Variants in TIAM1 observed in about 807,000 individuals in gnomAD.
TIAM1 encodes the protein rho guanine nucleotide exchange factor TIAM1.
Under a neutral mutation model 163.5 loss-of-function variants are expected in TIAM1, and 65 were observed. The observed-to-expected ratio is 0.40, with a 90% CI of 0.33 to 0.49. The LOEUF (loss-of-function observed/expected upper bound fraction) is 0.49, where lower values mean the gene tolerates loss of function less well. TIAM1 is among the 20% of genes least tolerant of loss of function. The pLI, the probability that TIAM1 is intolerant of heterozygous loss-of-function variation, is 0.77. For missense variants in TIAM1, 1,789 were observed against 2,044.7 expected (o/e 0.87, Z 2.41); for synonymous variants, 833 against 810.1 (o/e 1.03, Z -0.48).
intron 1 of TIAM1, among the ~76,000 whole-genome samples, chr21:31,472,053 G>A (rs183071542): frequency 3.0e-4 from 46 of 152,146 alleles, no homozygotes; most frequent in Non-Finnish European, 6.0e-4. Flanking sequence ...GGCTGTTGTG[G>A]TTAAGAGCCT....
At chr21:31,496,917 G>A (rs891488491) in intron 1 of TIAM1, among the ~76,000 whole-genome samples, 27 of 152,204 alleles carry the variant, frequency 1.8e-4, no homozygotes, top group African/African-American at 6.5e-4. Flanking sequence ...AGATCATCAA[G>A]CATTAGTTAG....
Position 31,257,013 on chromosome 21 carries a change from A to G in TIAM1, c.964-4824T>C, listed in dbSNP as rs542567538. ...GAAAGGTCTCTGAGAAACCTGGGAAAAACACAGGCATACCAAGGCTGGTGC... is the reference window on the plus strand; with the variant it reads ...GAAAGGTCTCTGAGAAACCTGGGAAGAACACAGGCATACCAAGGCTGGTGC... On this transcript the variant is annotated intron_variant, in intron 4 of 27. Transcript: ENST00000541036. Among the ~76,000 whole-genome samples the G allele has an allele frequency of 3.3e-5, 5 of 152,302 alleles. 1 individual carries two copies. The highest frequency in any genetic ancestry group is 2.6e-4 in the Admixed American group (4 of 15,300).
intron 25 of TIAM1, among the ~76,000 whole-genome samples, chr21:31,129,771 G>T (rs1190975560): frequency 2.6e-5 from 4 of 152,192 alleles, no homozygotes; most frequent in Non-Finnish European, 5.9e-5. Flanking sequence ...AACATGTGTA[G>T]TCAATGCTTT....
intron 2 of TIAM1, among the ~76,000 whole-genome samples, chr21:31,443,907 A>G (rs1260456999): frequency 6.6e-6 from 1 of 152,230 alleles, no homozygotes; most frequent in Non-Finnish European, 1.5e-5. Context: ...TACATAATAT[A>G]AAACATCAGA....
chr21:31,490,462 T>C (rs2046426387), intron 1 of TIAM1, among the ~76,000 whole-genome samples: 1 of 152,120 alleles, frequency 6.6e-6, no homozygotes, highest in Non-Finnish European at 1.5e-5. Flanking sequence ...AATAAATGCC[T>C]AGTTGCCTTC....
intron 15 of TIAM1, among the ~76,000 whole-genome samples, chr21:31,171,541 C>G (rs778333408): frequency 3.3e-5 from 5 of 152,086 alleles, no homozygotes; most frequent in Admixed American, 6.5e-5. Context: ...GATTCTAAAG[C>G]ATATATTTTT....
At chr21:31,231,195 G>A (rs1014649971) in intron 6 of TIAM1, among the ~76,000 whole-genome samples, 2 of 152,174 alleles carry the variant, frequency 1.3e-5, no homozygotes, top group Admixed American at 6.5e-5. Context: ...GGATGAGTAC[G>A]GCTCTGGAGC....
At chr21:31,490,575 C>A (rs2046430291) in intron 1 of TIAM1, among the ~76,000 whole-genome samples, 1 of 152,116 alleles carries the variant, frequency 6.6e-6, no homozygotes, top group Non-Finnish European at 1.5e-5. Flanking sequence ...GCTGCCCAGC[C>A]CCAGCCTGAA....
intron 6 of TIAM1, among the ~76,000 whole-genome samples, chr21:31,244,966 T>A (rs548842197): frequency 4.8e-4 from 73 of 152,206 alleles, no homozygotes; most frequent in South Asian, 1.5e-3. Flanking sequence ...GTATTTTTTT[T>A]AAAAAATGTT....
upstream of TIAM1, among the ~76,000 whole-genome samples, chr21:31,345,688 C>G (rs983491969): frequency 6.6e-6 from 1 of 152,092 alleles, no homozygotes; most frequent in Admixed American, 6.5e-5. Context: ...CGGTGGCTCA[C>G]GCCTATAATC....
At chr21:31,525,902 C>T (rs1208039508) in intron 1 of TIAM1, among the ~76,000 whole-genome samples, 4 of 151,724 alleles carry the variant, frequency 2.6e-5, no homozygotes, top group African/African-American at 7.3e-5. Flanking sequence ...GGCTTGGTGG[C>T]GGGCGCCTGT....
At chr21:31,555,961 G>A (rs2048863617) in intron 1 of TIAM1, among the ~76,000 whole-genome samples, 1 of 152,040 alleles carries the variant, frequency 6.6e-6, no homozygotes, top group African/African-American at 2.4e-5. Flanking sequence ...GAGGGGGAGG[G>A]GAGAAGAGAG....
intron 6 of TIAM1, among the ~76,000 whole-genome samples, chr21:31,226,747 C>G (rs2087999447): frequency 6.6e-6 from 1 of 152,074 alleles, no homozygotes; most frequent in Non-Finnish European, 1.5e-5. Flanking sequence ...TGGACTTTTC[C>G]AGATACTCTC....
intron 19 of TIAM1, 90 bp from the exon 20 acceptor site, chr21:31,147,093 G>T: frequency 9.6e-7 from 1 of 1,047,058 alleles, no homozygotes; most frequent in Non-Finnish European, 1.5e-6. Context: ...CATCTGCCTG[G>T]CCCACCCCAC....
At chr21:31,199,819 C>T (rs997572627) in intron 12 of TIAM1, among the ~76,000 whole-genome samples, 11 of 151,650 alleles carry the variant, frequency 7.3e-5, no homozygotes, top group African/African-American at 2.7e-4. Context: ...CGTGAGCCAC[C>T]ATGCCTGGCC....
intron 4 of TIAM1, among the ~76,000 whole-genome samples, chr21:31,258,747 G>A (rs1350479590): frequency 6.6e-6 from 1 of 151,846 alleles, no homozygotes; most frequent in East Asian, 1.9e-4. Context: ...CCCGGGAGGC[G>A]GAGGTTGCAG....
intron 1 of TIAM1, among the ~76,000 whole-genome samples, chr21:31,489,520 A>AAGGGAGGGAGGGAAGGAAGGG (rs2046391973): frequency 9.4e-6 from 1 of 105,834 alleles, no homozygotes; most frequent in Non-Finnish European, 1.9e-5. Context: ...GGAGGGAAGG[A>AAGGGAGGGAGGGAAGGAAGGG]AGGGAGGGAG....
At chr21:31,404,220 C>T (rs2147224621) in intron 2 of TIAM1, among the ~76,000 whole-genome samples, 1 of 152,208 alleles carries the variant, frequency 6.6e-6, no homozygotes, top group Non-Finnish European at 1.5e-5. Flanking sequence ...AATATCCTCC[C>T]TCTGAAAAGG....
intron 2 of TIAM1, among the ~76,000 whole-genome samples, chr21:31,454,180 C>T (rs946241989): frequency 3.9e-5 from 6 of 152,188 alleles, no homozygotes; most frequent in African/African-American, 1.4e-4. Context: ...AATGCAAGCT[C>T]CACAAAGACC....
Sources: gnomAD v4.1 joint callset for allele counts (sites outside exome capture counted in the v4.1 genomes callset) on GRCh38, gnomAD v4.1.1 for gene constraint, MANE v1.5 for transcripts, NCBI Gene and HGNC (gene_info 2026-07-23, HGNC 2026-07-21) for gene names.